Variants in SNX7 observed in about 807,000 individuals in gnomAD.
SNX7 encodes the protein sorting nexin-7.
A neutral mutation model predicts 48.4 loss-of-function variants in SNX7; 35 were observed. The observed-to-expected ratio is 0.72, with a 90% CI of 0.55 to 0.96. SNX7 has a LOEUF of 0.96. Ranked by LOEUF, SNX7 falls within the 40% of genes least tolerant of loss-of-function variation. The pLI, the probability that SNX7 is intolerant of heterozygous loss-of-function variation, is 0.00. For missense variants in SNX7, 553 were observed against 548.9 expected (o/e 1.01, Z -0.07); for synonymous variants, 190 against 190.2 (o/e 1.00, Z 0.01).
At chr1:98,732,989 G>A (rs1570586882) in intron 7 of SNX7, among the ~76,000 whole-genome samples, 1 of 152,210 alleles carries the variant, frequency 6.6e-6, no homozygotes, top group Admixed American at 6.6e-5. Flanking sequence ...GTCAATCGGT[G>A]TATCCATATT....
At chr1:98,721,831 C>A (rs953839055) in intron 7 of SNX7, among the ~76,000 whole-genome samples, 1 of 152,038 alleles carries the variant, frequency 6.6e-6, no homozygotes, top group Non-Finnish European at 1.5e-5. Flanking sequence ...CAGGGAATTA[C>A]ATCTAAAGAG....
chr1:98,681,890 G>A (rs117710073), intron 1 of SNX7, among the ~76,000 whole-genome samples: 1 of 152,222 alleles, frequency 6.6e-6, no homozygotes, highest in East Asian at 1.9e-4. Flanking sequence ...AATACACACA[G>A]ACCTATTTAG....
intron 7 of SNX7, among the ~76,000 whole-genome samples, chr1:98,710,881 T>C (rs1652264314): frequency 6.6e-6 from 1 of 152,230 alleles, no homozygotes; most frequent in African/African-American, 2.4e-5. Flanking sequence ...GAAATTACGC[T>C]TAAAGAATTT....
chr1:98,689,439 G>T (rs1196684367), intron 2 of SNX7, among the ~76,000 whole-genome samples: 1 of 152,092 alleles, frequency 6.6e-6, no homozygotes, highest in Non-Finnish European at 1.5e-5. Flanking sequence ...CTACATTAGA[G>T]AATTCTTTTG....
In SNX7 at chr1:98,691,195, C is replaced by A; in HGVS notation, c.474+10C>A. 6.4e-7 allele frequency: 1 copy of A among 1,566,244 alleles called. No homozygotes were observed. The highest frequency in any genetic ancestry group is 8.7e-7 in the Non-Finnish European group (1 of 1,153,508). On this transcript the variant is annotated intron_variant, in intron 3 of 8. Transcript: ENST00000306121. ...CACTCTGATTATTCCAGTAAGTTTGCAAAATTTTTTTTTTCATAGAATAGC... is the reference window on the plus strand; with the variant it reads ...CACTCTGATTATTCCAGTAAGTTTGAAAAATTTTTTTTTTCATAGAATAGC...
intron 7 of SNX7, among the ~76,000 whole-genome samples, chr1:98,727,037 C>T (rs1439083666): frequency 3.9e-5 from 6 of 152,110 alleles, no homozygotes; most frequent in Non-Finnish European, 7.4e-5. Flanking sequence ...AGTGAAACCC[C>T]GTCTCTGCTA....
At chr1:98,733,220 A>G (rs1365085701) in intron 7 of SNX7, among the ~76,000 whole-genome samples, 3 of 151,884 alleles carry the variant, frequency 2.0e-5, no homozygotes, top group East Asian at 3.9e-4. Context: ...ATCATCTCCT[A>G]TCACACCCTA....
chr1:98,758,626 T>C (rs892949294), intron 8 of SNX7, among the ~76,000 whole-genome samples: 2 of 152,058 alleles, frequency 1.3e-5, no homozygotes, highest in Non-Finnish European at 2.9e-5. Flanking sequence ...AACTTGATTA[T>C]TCTAATGAGG....
At chr1:98,717,594 C>T (rs897496969) in intron 7 of SNX7, among the ~76,000 whole-genome samples, 2 of 152,066 alleles carry the variant, frequency 1.3e-5, no homozygotes, top group African/African-American at 2.4e-5. Context: ...AGAATTTGCA[C>T]GTGATAAATT....
chr1:98,695,183 A>G (rs997312784), intron 4 of SNX7, among the ~76,000 whole-genome samples: 15 of 152,210 alleles, frequency 9.9e-5, no homozygotes, highest in Admixed American at 3.9e-4. Context: ...ATTATAAAAT[A>G]TAGATGGTAT....
chr1:98,756,890 G>A (rs904298798), intron 8 of SNX7, among the ~76,000 whole-genome samples: 1 of 152,048 alleles, frequency 6.6e-6, no homozygotes, highest in Admixed American at 6.6e-5. Flanking sequence ...ATGTTGAAAT[G>A]TCATCCGCAG....
At chr1:98,743,891 T>A (rs1260276693) in intron 8 of SNX7, among the ~76,000 whole-genome samples, 3 of 152,064 alleles carry the variant, frequency 2.0e-5, no homozygotes, top group Non-Finnish European at 4.4e-5. Flanking sequence ...ATTCTGACCT[T>A]AAGAGGTTAA....
Position 98,684,999 on chromosome 1 carries a change from A to G in SNX7, c.295A>G (p.Thr99Ala), listed in dbSNP as rs746208901. Reference sequence around the variant, plus strand: ...ACCAGATTTAAAGGATCTCTTCATCACAGTTGATGAACCTGAAAGTCATGT... The same window carrying G: ...ACCAGATTTAAAGGATCTCTTCATCGCAGTTGATGAACCTGAAAGTCATGT... Reference protein sequence around the residue: ...DEPDLKDLFITVDEPESHVTT... With the variant: ...DEPDLKDLFIAVDEPESHVTT... The change falls in exon 2 of 9, where the codon ACA becomes GCA. Residue 99 changes from threonine to alanine, a missense_variant. Coordinates refer to ENST00000306121, the MANE Select transcript of SNX7 (RefSeq NM_015976.5). 4.4e-6 allele frequency: 7 copies of G among 1,595,416 alleles called. No individual in the cohort carries two copies. Among genetic ancestry groups the G allele is most frequent in the Non-Finnish European group, 6.0e-6 (7 of 1,169,624 alleles).
chr1:98,687,284 T>C (rs1650857182), intron 2 of SNX7, among the ~76,000 whole-genome samples: 1 of 152,170 alleles, frequency 6.6e-6, no homozygotes, highest in South Asian at 2.1e-4. Flanking sequence ...ACTTTCATAG[T>C]ATACATTTTT....
At chr1:98,758,450 T>C (rs556217136) in intron 8 of SNX7, among the ~76,000 whole-genome samples, 1 of 152,138 alleles carries the variant, frequency 6.6e-6, no homozygotes, top group South Asian at 2.1e-4. Context: ...GCTATTATTA[T>C]TATATATCTG....
At chr1:98,722,329 G>A (rs925433160) in intron 7 of SNX7, among the ~76,000 whole-genome samples, 4 of 152,112 alleles carry the variant, frequency 2.6e-5, no homozygotes, top group Admixed American at 2.0e-4. Context: ...TGCTTAAGCA[G>A]CATTGTATAA....
At chr1:98,671,339 G>A (rs1454369200) in intron 1 of SNX7, among the ~76,000 whole-genome samples, 1 of 151,900 alleles carries the variant, frequency 6.6e-6, no homozygotes, top group Non-Finnish European at 1.5e-5. Context: ...CAATCAAGCT[G>A]GATAATAGTG....
chr1:98,693,035 GA>G (rs948291917), intron 4 of SNX7, among the ~76,000 whole-genome samples: 14 of 151,844 alleles, frequency 9.2e-5, no homozygotes, highest in African/African-American at 3.4e-4. Flanking sequence ...TATATTTATT[GA>G]AAAAAGTCCA....
intron 8 of SNX7, among the ~76,000 whole-genome samples, chr1:98,746,914 TA>T (rs758742849): frequency 1.3e-5 from 2 of 152,130 alleles, no homozygotes; most frequent in Non-Finnish European, 2.9e-5. Flanking sequence ...TTAGTTTGAA[TA>T]AGATAATCTT....
Sources: allele counts gnomAD v4.1 joint callset (sites outside exome capture counted in the v4.1 genomes callset), GRCh38; gene constraint gnomAD v4.1.1; transcripts MANE v1.5; gene names NCBI Gene and HGNC (gene_info 2026-07-23, HGNC 2026-07-21).